DNER: variants seen among roughly 807,000 people sequenced by gnomAD.
DNER encodes delta and Notch-like epidermal growth factor-related receptor.
A neutral mutation model predicts 78.2 loss-of-function variants in DNER; 33 were observed. That is an observed-to-expected ratio of 0.42 (90% CI 0.32 to 0.56). DNER has a LOEUF of 0.56. Ranked by LOEUF, DNER falls within the 20% of genes least tolerant of loss-of-function variation. The pLI is 0.11. For missense variants in DNER, 918 were observed against 975.3 expected, an observed-to-expected ratio of 0.94 and a Z score of 0.78; for synonymous variants, 417 against 384.8, an observed-to-expected ratio of 1.08 and a Z score of -0.98.
At chr2:229,535,973 T>C (rs1232106100) in intron 5 of DNER, among the ~76,000 whole-genome samples, 6 of 152,140 alleles carry the variant, frequency 3.9e-5, no homozygotes, top group Non-Finnish European at 8.8e-5. Context: ...TAAGATGAGT[T>C]CAAAGAAGGA....
chr2:229,594,600 A>AAAC lies in DNER; in HGVS notation c.277-2713_277-2712insGTT, dbSNP rs58521573. Among the ~76,000 whole-genome samples, 148 of 28,260 alleles carry AAAC rather than the reference A, an allele frequency of 5.2e-3. 2 individuals carry two copies. In the East Asian group the frequency reaches 0.073, roughly 14 times the overall value. The allele number at this position is 28,260 out of a possible 152,430, so 18.5% of individuals were successfully genotyped here. On this transcript the variant is annotated intron_variant, in intron 1 of 12. Coordinates refer to ENST00000341772, the MANE Select transcript of DNER (RefSeq NM_139072.4). Reference sequence around the variant, plus strand: ...AGACTCCATCTCAAAAAAAAAAAACAAAACAAACAAACAAAAAAAAAAACA... The same window carrying AAAC: ...AGACTCCATCTCAAAAAAAAAAAACAAACAAACAAACAAACAAAAAAAAAAACA...
At chr2:229,461,062 C>T (rs1334392700) in intron 7 of DNER, among the ~76,000 whole-genome samples, 1 of 152,030 alleles carries the variant, frequency 6.6e-6, no homozygotes, top group Non-Finnish European at 1.5e-5. Flanking sequence ...AGACATTTTA[C>T]AACACAAGGT....
chr2:229,536,966 AAC>A (rs71927908), intron 5 of DNER, among the ~76,000 whole-genome samples: 2,105 of 152,208 alleles, frequency 0.014, 52 homozygotes, highest in African/African-American at 0.048. Flanking sequence ...GCCCCAATAC[AAC>A]ACATGCCAAA....
chr2:229,639,589 T>C (rs1171743541), intron 1 of DNER, among the ~76,000 whole-genome samples: 3 of 152,212 alleles, frequency 2.0e-5, no homozygotes, highest in Admixed American at 6.5e-5. Flanking sequence ...AAATCTCTTC[T>C]TGAAACACTC....
chr2:229,441,909 G>A lies in DNER; in HGVS notation c.1486+5407C>T, dbSNP rs548640851. Among the ~76,000 whole-genome samples the A allele has an allele frequency of 5.9e-5, 9 of 152,186 alleles. No homozygotes were observed. In the South Asian group the frequency reaches 8.3e-4, roughly 14 times the overall value. On this transcript the variant is annotated intron_variant, in intron 8 of 12. Transcript: ENST00000341772. ...TGCCAAGCAAGCTCCTGACATCAGC[G>A]GCTGCTCTTCTTTTTCTCAGTTCTC...
Position 229,545,057 on chromosome 2 carries a change from C to A in DNER, c.993+1890G>T, listed in dbSNP as rs190363000. Among the ~76,000 whole-genome samples, 4 of 152,268 alleles carry A rather than the reference C, an allele frequency of 2.6e-5. No homozygotes were observed. The East Asian group carries it at 7.7e-4, about 29-fold the overall frequency. On this transcript the variant is annotated intron_variant, in intron 5 of 12. Transcript: ENST00000341772. ...TGCTACCCTCAAAATCTCAAACAAA[C>A]CATGCTCTTTTGGGGTTTGGGAATC...
intron 7 of DNER, among the ~76,000 whole-genome samples, chr2:229,464,801 G>A (rs1012050234): frequency 2.2e-4 from 33 of 152,146 alleles, no homozygotes; most frequent in Admixed American, 1.6e-3. Flanking sequence ...GTGACACAAG[G>A]GGGAGAGAGA....
intron 6 of DNER, among the ~76,000 whole-genome samples, chr2:229,502,917 T>C (rs1199395447): frequency 1.3e-5 from 2 of 152,202 alleles, no homozygotes; most frequent in Admixed American, 6.5e-5. Flanking sequence ...TTCCTCTGGC[T>C]GATCTTGGGG....
At chr2:229,618,023 G>A (rs955978558) in intron 1 of DNER, among the ~76,000 whole-genome samples, 2 of 152,124 alleles carry the variant, frequency 1.3e-5, no homozygotes, top group Non-Finnish European at 2.9e-5. Context: ...ATGACCCCTG[G>A]GCTTTTGTTG....
At chr2:229,426,776 T>C (rs913190062) in intron 8 of DNER, among the ~76,000 whole-genome samples, 21 of 152,204 alleles carry the variant, frequency 1.4e-4, no homozygotes, top group Non-Finnish European at 2.9e-4. Flanking sequence ...AGTGTTCAGA[T>C]GCTCTCGTTT....
At chr2:229,396,815 C>T (rs1245508060) in intron 10 of DNER, among the ~76,000 whole-genome samples, 5 of 152,060 alleles carry the variant, frequency 3.3e-5, no homozygotes, top group African/African-American at 1.2e-4. Flanking sequence ...CAAAGCAACC[C>T]ACAAAGGGGA....
At chr2:229,551,130 A>G (rs1374354120) in intron 4 of DNER, among the ~76,000 whole-genome samples, 1 of 152,188 alleles carries the variant, frequency 6.6e-6, no homozygotes, top group Non-Finnish European at 1.5e-5. Flanking sequence ...GACTTCCTAC[A>G]TTGTTTCATT....
At chr2:229,560,297 A>C (rs1450271339) in intron 4 of DNER, among the ~76,000 whole-genome samples, 1 of 152,238 alleles carries the variant, frequency 6.6e-6, no homozygotes. Flanking sequence ...AATTCTGACC[A>C]TAAATATTTG....
intron 5 of DNER, among the ~76,000 whole-genome samples, chr2:229,540,650 A>G (rs1574892723): frequency 6.6e-6 from 1 of 152,214 alleles, no homozygotes; most frequent in Non-Finnish European, 1.5e-5. Context: ...AGTTGTAGGT[A>G]GGAAGAGTAG....
intron 1 of DNER, among the ~76,000 whole-genome samples, chr2:229,617,875 C>G (rs1460066758): frequency 1.3e-5 from 2 of 152,132 alleles, no homozygotes; most frequent in African/African-American, 4.8e-5. Flanking sequence ...TCGCTTGAGC[C>G]CAGGAGGTCA....
chr2:229,553,720 C>T (rs1449711688), intron 4 of DNER, among the ~76,000 whole-genome samples: 1 of 152,166 alleles, frequency 6.6e-6, no homozygotes, highest in Non-Finnish European at 1.5e-5. Flanking sequence ...TTGTGTATGC[C>T]AGTTTCTCCT....
In DNER at chr2:229,555,520, T is replaced by C. The variant is rs76218909; in HGVS notation, c.848-8428A>G. On this transcript the variant is annotated intron_variant, in intron 4 of 12. Transcript: ENST00000341772. ...CTAGCCCACTCTGAGCTCTACCATGTCCATCTGTGCTCAGGCGTAAAACAT... is the reference window on the plus strand; with the variant it reads ...CTAGCCCACTCTGAGCTCTACCATGCCCATCTGTGCTCAGGCGTAAAACAT... Among the ~76,000 whole-genome samples the C allele has an allele frequency of 3.7e-4, 57 of 152,288 alleles. 1 individual carries two copies. In the East Asian group the frequency reaches 0.011, roughly 28 times the overall value.
At chr2:229,434,835 C>T (rs2106356807) in intron 8 of DNER, among the ~76,000 whole-genome samples, 1 of 152,024 alleles carries the variant, frequency 6.6e-6, no homozygotes, top group African/African-American at 2.4e-5. Flanking sequence ...CATTTCTTTT[C>T]AAGCAACCAA....
Position 229,714,313 on chromosome 2 carries a change from C to T in DNER, c.111G>A (p.Val37=). The T allele has an allele frequency of 7.7e-7, 1 of 1,294,856 alleles. No individual in the cohort carries two copies. The highest frequency in any genetic ancestry group is 9.7e-7 in the Non-Finnish European group (1 of 1,026,800). The allele number at this position is 1,294,856 out of a possible 1,614,324, so 80.2% of individuals were successfully genotyped here. A position where few individuals can be genotyped will look rare whatever the true frequency, so the allele number is the denominator to read the frequency against. The part of the protein sequence containing the change: ...GPRGSSLANP[V]PAAPLSAPGP... ...CGGGCGCAGACAGGGGCGCGGCGGG[C>T]ACCGGGTTGGCCAGGGAGCTGCCTC... Residue 37 remains valine (V), a synonymous_variant, in exon 1 of 13, where the codon GTG becomes GTA. Transcript: ENST00000341772.
Sources: allele counts gnomAD v4.1 joint callset (sites outside exome capture counted in the v4.1 genomes callset), GRCh38; gene constraint gnomAD v4.1.1; transcripts MANE v1.5; gene names NCBI Gene and HGNC (gene_info 2026-07-23, HGNC 2026-07-21).